VGLL4: variants seen among roughly 807,000 people sequenced by gnomAD.
VGLL4 encodes transcription cofactor vestigial-like protein 4.
A neutral mutation model predicts 21.0 loss-of-function variants in VGLL4; 7 were observed. The observed-to-expected ratio is 0.33, with a 90% CI of 0.19 to 0.63. VGLL4 has a LOEUF of 0.63. VGLL4 is among the 20% of genes least tolerant of loss of function. The pLI is 0.78. For synonymous variants in VGLL4, 222 were observed against 173.2 expected, an observed-to-expected ratio of 1.28 and a Z score of -2.21; for missense variants, 394 against 425.7, an observed-to-expected ratio of 0.93 and a Z score of 0.66.
At chr3:11,583,128 C>T (rs1323181902) in intron 2 of VGLL4, among the ~76,000 whole-genome samples, 1 of 152,228 alleles carries the variant, frequency 6.6e-6, no homozygotes, top group East Asian at 1.9e-4. Context: ...AGTTCTTTTA[C>T]ACCCAGGTCA....
chr3:11,710,961 G>T (rs565542902), intron 1 of VGLL4, among the ~76,000 whole-genome samples: 6 of 151,970 alleles, frequency 3.9e-5, no homozygotes, highest in African/African-American at 1.4e-4. Context: ...TTAGCTGGGC[G>T]TGGTGGTGAG....
At position 11,563,522 on chromosome 3, in the gene VGLL4, G is replaced by A. The variant is rs370730105; in HGVS notation, c.495+1275C>T. The stretch of plus-strand genomic sequence containing the variant: ...CCAATTAGACTGGGAGCTCCCTGTG[G>A]CCGTGACAGTGTCCACACACACGTC... On this transcript the variant is annotated intron_variant, in intron 3 of 4. Coordinates refer to ENST00000430365, the MANE Select transcript of VGLL4 (RefSeq NM_001128219.3). 1.3e-4 allele frequency among the ~76,000 whole-genome samples: 20 copies of A among 152,310 alleles called. No individual in the cohort carries two copies. The East Asian group carries it at 3.9e-3, about 29-fold the overall frequency.
chr3:11,670,809 T>G (rs929030593), intron 2 of VGLL4, among the ~76,000 whole-genome samples: 10 of 152,242 alleles, frequency 6.6e-5, no homozygotes, highest in East Asian at 3.9e-4. Flanking sequence ...AGGCTGAGGC[T>G]GGCGGATCAC....
chr3:11,569,144 A>G (rs957252612), intron 2 of VGLL4, among the ~76,000 whole-genome samples: 1 of 152,174 alleles, frequency 6.6e-6, no homozygotes, highest in African/African-American at 2.4e-5. Context: ...CACTGCGTCT[A>G]TTTGATACTC....
chr3:11,656,656 AC>A (rs1301902953), intron 2 of VGLL4, among the ~76,000 whole-genome samples: 1 of 152,086 alleles, frequency 6.6e-6, no homozygotes, highest in African/African-American at 2.4e-5. Flanking sequence ...GGGAGAGCAC[AC>A]CCCAAGTTCT....
At chr3:11,651,336 CAAA>C (rs201737430) in intron 2 of VGLL4, among the ~76,000 whole-genome samples, 2 of 108,220 alleles carry the variant, frequency 1.8e-5, no homozygotes, top group African/African-American at 3.2e-5. Flanking sequence ...GAGTGAGACT[CAAA>C]AAAAAAAAAA....
chr3:11,577,085 G>A (rs61451853), intron 2 of VGLL4, among the ~76,000 whole-genome samples: 25,918 of 152,130 alleles, frequency 0.17, 2,371 homozygotes, highest in East Asian at 0.32. Context: ...GTGACCCAGG[G>A]CTGGGCCATC....
chr3:11,616,421 C>T (rs2075164780), intron 1 of VGLL4, among the ~76,000 whole-genome samples: 1 of 152,212 alleles, frequency 6.6e-6, no homozygotes, highest in Non-Finnish European at 1.5e-5. Context: ...AGCCTTCAGG[C>T]CACTTCCTAG....
At chr3:11,706,517 G>A (rs1335493566) in intron 1 of VGLL4, among the ~76,000 whole-genome samples, 1 of 152,130 alleles carries the variant, frequency 6.6e-6, no homozygotes. Flanking sequence ...AACTAAAATG[G>A]GTACAGTGTC....
At chr3:11,707,717 G>A (rs1419974943) in intron 1 of VGLL4, among the ~76,000 whole-genome samples, 2 of 151,854 alleles carry the variant, frequency 1.3e-5, no homozygotes. Context: ...AAATTAGCCG[G>A]GCATAGGGAC....
chr3:11,561,145 C>CAATA (rs1487660514), intron 3 of VGLL4, among the ~76,000 whole-genome samples: 1 of 152,090 alleles, frequency 6.6e-6, no homozygotes, highest in Non-Finnish European at 1.5e-5. Flanking sequence ...AGGGTCCTCC[C>CAATA]AATAAAACTC....
At chr3:11,603,069 TAAG>T (rs1017535294) in intron 1 of VGLL4, among the ~76,000 whole-genome samples, 6 of 152,222 alleles carry the variant, frequency 3.9e-5, no homozygotes, top group African/African-American at 1.4e-4. Context: ...TTGTGGTACC[TAAG>T]AAAAGGAATC....
At chr3:11,580,591 G>A (rs892448068) in intron 2 of VGLL4, among the ~76,000 whole-genome samples, 7 of 152,182 alleles carry the variant, frequency 4.6e-5, no homozygotes, top group Non-Finnish European at 1.0e-4. Context: ...GGGAAGTATA[G>A]GATGCATTTT....
At chr3:11,715,578 C>T (rs1448964659) in intron 1 of VGLL4, among the ~76,000 whole-genome samples, 2 of 152,144 alleles carry the variant, frequency 1.3e-5, no homozygotes, top group Non-Finnish European at 2.9e-5. Context: ...AGGTGATCCA[C>T]CTGCCTCGGC....
chr3:11,597,244 T>TA (rs879758020), intron 2 of VGLL4, among the ~76,000 whole-genome samples: 77 of 147,920 alleles, frequency 5.2e-4, no homozygotes, highest in Non-Finnish European at 5.7e-4. Flanking sequence ...CAAGGGCCAT[T>TA]AAAAAAAAAA....
intron 2 of VGLL4, among the ~76,000 whole-genome samples, chr3:11,682,049 A>G (rs1291007439): frequency 1.3e-5 from 2 of 152,174 alleles, no homozygotes; most frequent in African/African-American, 4.8e-5. Flanking sequence ...ACTTGAGGTC[A>G]GGAGTTCGAG....
At chr3:11,680,427 C>T (rs1243722365) in intron 2 of VGLL4, among the ~76,000 whole-genome samples, 5 of 152,144 alleles carry the variant, frequency 3.3e-5, no homozygotes, top group East Asian at 1.9e-4. Flanking sequence ...ATAAGTACTA[C>T]ACAAAGATAC....
chr3:11,576,865 G>A (rs1372666559), intron 2 of VGLL4, among the ~76,000 whole-genome samples: 1 of 152,232 alleles, frequency 6.6e-6, no homozygotes, highest in Non-Finnish European at 1.5e-5. Flanking sequence ...TCAAGACTAG[G>A]AGAGAAGACA....
intron 2 of VGLL4, among the ~76,000 whole-genome samples, chr3:11,584,337 A>AAAAC (rs139010593): frequency 3.3e-5 from 5 of 152,236 alleles, no homozygotes; most frequent in Middle Eastern, 3.4e-3. Flanking sequence ...CTAGTAGCAG[A>AAAAC]AAACAAACAA....
Sources: gnomAD v4.1 joint callset for allele counts (sites outside exome capture counted in the v4.1 genomes callset) on GRCh38, gnomAD v4.1.1 for gene constraint, MANE v1.5 for transcripts, NCBI Gene and HGNC (gene_info 2026-07-23, HGNC 2026-07-21) for gene names.